The following CACNA1D variants were observed in gnomAD, a reference collection of about 807,000 sequenced individuals.
CACNA1D encodes calcium voltage-gated channel subunit alpha1 D.
CACNA1D carries 55 observed loss-of-function variants against 257.1 expected under a neutral mutation model. The observed-to-expected ratio is 0.21, with a 90% CI of 0.17 to 0.27. The LOEUF is 0.27. Among genes scored for constraint, CACNA1D ranks in the 10% least tolerant of loss-of-function variants. CACNA1D has a pLI of 1.00. For missense variants in CACNA1D, 1,876 were observed against 2,784.0 expected (o/e 0.67, Z 7.34); for synonymous variants, 980 against 1,014.9 (o/e 0.97, Z 0.65).
Position 53,788,390 on chromosome 3 carries a change from T to C in CACNA1D, c.4923+1438T>C, listed in dbSNP as rs746317183. 8.7e-4 allele frequency among the ~76,000 whole-genome samples: 133 copies of C among 152,226 alleles called. 2 individuals carry two copies. The highest frequency in any genetic ancestry group is 3.2e-3 in the Middle Eastern group (1 of 316). ...ATCACAGGCTCAGTCACACAGCCCA[T>C]TGGCATCTCAGGTGGTAGGATTTGC... On this transcript the variant is annotated intron_variant, in intron 40 of 47. Coordinates refer to ENST00000350061, the MANE Select transcript of CACNA1D (RefSeq NM_001128840.3).
At chr3:53,768,833 C>T (rs1161452749) in intron 30 of CACNA1D, among the ~76,000 whole-genome samples, 1 of 152,200 alleles carries the variant, frequency 6.6e-6, no homozygotes, top group African/African-American at 2.4e-5. Flanking sequence ...TTCCCCAGAT[C>T]CCCAGGGAGG....
chr3:53,689,466 G>T (rs987205062), intron 8 of CACNA1D, among the ~76,000 whole-genome samples: 7 of 151,902 alleles, frequency 4.6e-5, no homozygotes, highest in Non-Finnish European at 1.0e-4. Context: ...AGTTAGGAGA[G>T]CCTGGGGGCT....
At chr3:53,547,006 A>G (rs2092426845) in intron 3 of CACNA1D, among the ~76,000 whole-genome samples, 1 of 152,168 alleles carries the variant, frequency 6.6e-6, no homozygotes, top group Admixed American at 6.5e-5. Context: ...AAAGAGTTTT[A>G]TTTTGTTACT....
intron 3 of CACNA1D, among the ~76,000 whole-genome samples, chr3:53,541,901 G>GC (rs1334440528): frequency 3.3e-5 from 5 of 152,132 alleles, no homozygotes; most frequent in Admixed American, 6.5e-5. Flanking sequence ...AATCACAAAA[G>GC]ACCACGTATT....
At chr3:53,712,776 T>C (rs1170110341) in intron 9 of CACNA1D, among the ~76,000 whole-genome samples, 1 of 152,076 alleles carries the variant, frequency 6.6e-6, no homozygotes, top group Non-Finnish European at 1.5e-5. Context: ...AATGCTAAAA[T>C]AAATTCCTGA....
intron 3 of CACNA1D, among the ~76,000 whole-genome samples, chr3:53,632,441 T>C (rs1004691994): frequency 2.0e-5 from 3 of 152,268 alleles, no homozygotes; most frequent in Non-Finnish European, 4.4e-5. Flanking sequence ...AAACATTTTC[T>C]GTATCAGCAA....
chr3:53,718,303 A>G lies in CACNA1D; in HGVS notation c.1393A>G (p.Ser465Gly). ...EGGEEGKRNTSMPTSETESVN... is the reference protein window; with the variant it reads ...EGGEEGKRNTGMPTSETESVN... Reference sequence around the variant, plus strand: ...TGAAGCCCGTCTTCTCCCCACAGCTAGCATGCCCACCAGCGAGACTGAGTC... The same window carrying G: ...TGAAGCCCGTCTTCTCCCCACAGCTGGCATGCCCACCAGCGAGACTGAGTC... The change falls in exon 10 of 48, where the codon AGC (serine) becomes GGC (glycine). Residue 465 changes from serine to glycine, a missense_variant and splice_region_variant. Physicochemically the swap from Ser to Gly is moderately conservative, Grantham distance 56. Coordinates refer to ENST00000350061, the MANE Select transcript of CACNA1D (RefSeq NM_001128840.3). The G allele has an allele frequency of 6.2e-7, 1 of 1,613,446 alleles. No individual in the cohort carries two copies. Among genetic ancestry groups the G allele is most frequent in the South Asian group, 1.1e-5 (1 of 91,076 alleles).
intron 20 of CACNA1D, among the ~76,000 whole-genome samples, chr3:53,739,741 A>C (rs2095096449): frequency 6.6e-6 from 1 of 152,182 alleles, no homozygotes; most frequent in South Asian, 2.1e-4. Flanking sequence ...AGCCCAGCGC[A>C]TGAGCAGGGA....
intron 3 of CACNA1D, among the ~76,000 whole-genome samples, chr3:53,552,730 A>G (rs905743637): frequency 1.9e-4 from 29 of 151,902 alleles, no homozygotes; most frequent in African/African-American, 6.5e-4. Context: ...TTCCTATCTC[A>G]TATTTATTTT....
intron 40 of CACNA1D, among the ~76,000 whole-genome samples, chr3:53,795,320 G>A (rs1052169385): frequency 6.6e-6 from 1 of 152,200 alleles, no homozygotes; most frequent in African/African-American, 2.4e-5. Flanking sequence ...TTGATCAGGT[G>A]GCACCCCACA....
At chr3:53,638,010 A>G (rs1486642784) in intron 3 of CACNA1D, among the ~76,000 whole-genome samples, 2 of 152,254 alleles carry the variant, frequency 1.3e-5, no homozygotes, top group Admixed American at 6.5e-5. Flanking sequence ...TTACTTAGAA[A>G]GGTATGATCC....
At chr3:53,550,395 A>G (rs931904880) in intron 3 of CACNA1D, among the ~76,000 whole-genome samples, 3 of 152,152 alleles carry the variant, frequency 2.0e-5, no homozygotes, top group Non-Finnish European at 4.4e-5. Flanking sequence ...CCTCAGCACC[A>G]TCTCGCAGCT....
rs1272193222 is a variant in CACNA1D, at chr3:53,494,638, GGCGCGGAGCGAGCGGGCGGGCGA to G, written c.-524_-502del. ...AGCCGGCGTGCGGCGCGGCGCGGCG[GGCGCGGAGCGAGCGGGCGGGCGA>G]GCGCCTCCGTCCCCGGATGTGAGCT... On this transcript the variant is annotated 5_prime_UTR_variant, in exon 1 of 48. Transcript: ENST00000350061. The G allele has an allele frequency of 2.1e-5, 3 of 146,172 alleles. No homozygotes were observed. Among genetic ancestry groups the G allele is most frequent in the Non-Finnish European group, 4.6e-5 (3 of 65,646 alleles). The allele number at this position is 146,172 out of a possible 1,614,324, so 9.1% of individuals were successfully genotyped here.
chr3:53,750,750 G>A (rs1576553491), intron 27 of CACNA1D, among the ~76,000 whole-genome samples: 3 of 152,210 alleles, frequency 2.0e-5, no homozygotes, highest in African/African-American at 7.2e-5. Context: ...GAGTGAGCAT[G>A]TGAGGTCAGA....
chr3:53,522,830 G>A (rs1483012562), intron 3 of CACNA1D, among the ~76,000 whole-genome samples: 1 of 152,064 alleles, frequency 6.6e-6, no homozygotes, highest in Non-Finnish European at 1.5e-5. Context: ...TTAACTATTA[G>A]TCACCCTACT....
Position 53,673,190 on chromosome 3 carries a change from C to A in CACNA1D, c.1220+64C>A. On this transcript the variant is annotated intron_variant, in intron 8 of 47. Transcript: ENST00000350061. The surrounding 1 kb of genome is among the most constrained non-coding windows in gnomAD (Gnocchi z 4.1). ...AGGACAGTTGCCAAGACCACACAAG[C>A]TTTGCTGGATGAGGGCCGCCAAGAG... The A allele has an allele frequency of 1.7e-6, 2 of 1,154,052 alleles. No individual in the cohort carries two copies. Among genetic ancestry groups the A allele is most frequent in the South Asian group, 1.3e-5 (1 of 74,470 alleles). The allele number at this position is 1,154,052 out of a possible 1,614,324, so 71.5% of individuals were successfully genotyped here.
At chr3:53,564,373 C>T (rs2092796368) in intron 3 of CACNA1D, among the ~76,000 whole-genome samples, 1 of 152,144 alleles carries the variant, frequency 6.6e-6, no homozygotes, top group African/African-American at 2.4e-5. Flanking sequence ...GTTGGCCAGG[C>T]TGGTCTCGAA....
chr3:53,623,282 A>T (rs1017320394), intron 3 of CACNA1D, among the ~76,000 whole-genome samples: 3 of 152,258 alleles, frequency 2.0e-5, no homozygotes, highest in Non-Finnish European at 2.9e-5. Flanking sequence ...ATTTTACTTT[A>T]AAATACTCAT....
rs114258669 is a variant in CACNA1D at position 53,618,072 on chromosome 3, A to G, written c.484-32707A>G. 3.4e-3 allele frequency among the ~76,000 whole-genome samples: 519 copies of G among 152,244 alleles called. 4 individuals are homozygous for G. The highest frequency in any genetic ancestry group is 0.012 in the African/African-American group (492 of 41,530). On this transcript the variant is annotated intron_variant, in intron 3 of 47. Transcript: ENST00000350061. ...CTTGAACAGCTCTTTGCATCCACCA[A>G]GTCACAGGGACCTCCTCAGTACAGG... is the stretch of plus-strand genomic sequence containing the variant.
Sources: allele counts gnomAD v4.1 joint callset (sites outside exome capture counted in the v4.1 genomes callset), GRCh38; gene constraint gnomAD v4.1.1; non-coding constraint Gnocchi (gnomAD v3.1); transcripts MANE v1.5; gene names NCBI Gene and HGNC (gene_info 2026-07-23, HGNC 2026-07-21).